The following LPA variants were observed in gnomAD, a reference collection of about 807,000 sequenced individuals.
The protein encoded by LPA is apolipoprotein(a).
A neutral mutation model predicts 197.9 loss-of-function variants in LPA; 199 were observed. The observed-to-expected ratio is 1.01, with a 90% CI of 0.90 to 1.13. The LOEUF is 1.13. Among genes scored for constraint, LPA ranks in the 50% most tolerant of loss-of-function variants. The probability of loss-of-function intolerance (pLI) is 0.00; values close to 1 mark genes in which losing one functional copy is unlikely to be tolerated. For synonymous variants in LPA, 715 were observed against 639.5 expected (o/e 1.12, Z -1.78); for missense variants, 1,853 against 1,785.8 (o/e 1.04, Z -0.68).
At chr6:160,572,805 T>C (rs1778586689) in intron 28 of LPA, among the ~76,000 whole-genome samples, 1 of 152,230 alleles carries the variant, frequency 6.6e-6, no homozygotes, top group Admixed American at 6.5e-5. Context: ...CCTTTATACA[T>C]TACCTGGTGC....
chr6:160,601,138 A>G (rs761134280), intron 18 of LPA, 40 bp from the exon 19 acceptor site: 1 of 1,587,388 alleles, frequency 6.3e-7, no homozygotes, highest in South Asian at 1.1e-5. Context: ...AAAAATGGGT[A>G]CATATGCAGG....
chr6:160,656,622 A>G (rs1413576990), intron 1 of LPA, among the ~76,000 whole-genome samples: 1 of 152,186 alleles, frequency 6.6e-6, no homozygotes, highest in East Asian at 1.9e-4. Flanking sequence ...CCCTTTCTCC[A>G]GTACACACAG....
intron 34 of LPA, 74 bp downstream of exon 34, chr6:160,542,614 C>G: frequency 6.2e-7 from 1 of 1,603,446 alleles, no homozygotes; most frequent in Non-Finnish European, 8.5e-7. Flanking sequence ...TGTGTGGGTT[C>G]TGTGTAAATG....
intron 32 of LPA, among the ~76,000 whole-genome samples, chr6:160,546,928 A>C (rs1271619019): frequency 1.3e-5 from 2 of 152,134 alleles, no homozygotes; most frequent in East Asian, 3.9e-4. Context: ...TGGCCCATCC[A>C]AATCTTTTCT....
intron 22 of LPA, among the ~76,000 whole-genome samples, chr6:160,592,198 G>C (rs1279902776): frequency 6.6e-6 from 1 of 152,034 alleles, no homozygotes; most frequent in Non-Finnish European, 1.5e-5. Context: ...TTGAGGCTCT[G>C]TTGATTAATT....
intron 28 of LPA, among the ~76,000 whole-genome samples, chr6:160,573,017 C>A (rs1445953661): frequency 6.6e-6 from 1 of 152,144 alleles, no homozygotes; most frequent in Non-Finnish European, 1.5e-5. Flanking sequence ...GTTATTCCCC[C>A]AAATATGTTT....
intron 28 of LPA, among the ~76,000 whole-genome samples, chr6:160,564,005 T>G (rs1562323061): frequency 6.6e-6 from 1 of 152,240 alleles, no homozygotes; most frequent in Non-Finnish European, 1.5e-5. Context: ...CAATGGGTCT[T>G]GACTCTTTAT....
In LPA at chr6:160,542,766, T is replaced by G; in HGVS notation, c.5441A>C (p.Lys1814Thr). The part of the protein sequence containing the change: ...FDCGKPQVEP[K>T]KCPGSIVGGC... ...CCCTACAATGCTTCCAGGACATTTC[T>G]TCGGCTCCACTTGAGGCTTCCCACA... is the stretch of plus-strand genomic sequence containing the variant. The change falls in exon 34 of 39, where the codon AAG becomes ACG. Residue 1814 changes from lysine (K) to threonine (T), a missense_variant. Around this residue, in one of 3 missense-constraint regions of LPA, gnomAD observed 1,737 missense variants for 1,504.4 expected, o/e 1.15. Coordinates refer to ENST00000316300, the MANE Select transcript of LPA (RefSeq NM_005577.4). The G allele has an allele frequency of 6.2e-7, 1 of 1,614,128 alleles. No homozygotes were observed. The highest frequency in any genetic ancestry group is 2.2e-5 in the East Asian group (1 of 44,872).
At chr6:160,578,008 G>A (rs9364564) in intron 27 of LPA, among the ~76,000 whole-genome samples, 27,049 of 152,076 alleles carry the variant, frequency 0.18, 2,874 homozygotes, top group East Asian at 0.4. Context: ...ACTGAGATAG[G>A]CCAGGGAGAG....
At chr6:160,653,990 TA>T (rs1780062314) in intron 1 of LPA, among the ~76,000 whole-genome samples, 3 of 12,786 alleles carry the variant, frequency 2.3e-4, no homozygotes, top group African/African-American at 1.2e-3. Flanking sequence ...TAATATATAA[TA>T]TATATTATAT....
At chr6:160,537,158 A>G (rs905032748) in intron 37 of LPA, among the ~76,000 whole-genome samples, 2 of 152,210 alleles carry the variant, frequency 1.3e-5, no homozygotes, top group Non-Finnish European at 2.9e-5. Context: ...GCTGACGGAT[A>G]TAATTATTGT....
intron 25 of LPA, among the ~76,000 whole-genome samples, chr6:160,585,636 T>C (rs1217917153): frequency 6.6e-6 from 1 of 152,044 alleles, no homozygotes; most frequent in African/African-American, 2.4e-5. Flanking sequence ...CCACTGCTCC[T>C]CCAAAGCAAA....
At chr6:160,650,552 G>A (rs1017228146) in intron 1 of LPA, 55 bp from the exon 2 acceptor site, 1 of 1,561,616 alleles carries the variant, frequency 6.4e-7, no homozygotes, top group South Asian at 1.1e-5. Flanking sequence ...AGAAAAAAAT[G>A]TGAAGTCATT....
Position 160,599,700 on chromosome 6 carries a change from G to C in LPA, c.3128-41C>G. 3 of 1,610,826 alleles carry C rather than the reference G, an allele frequency of 1.9e-6. No individual in the cohort carries two copies. In the South Asian group the frequency reaches 3.3e-5, roughly 18 times the overall value. On this transcript the variant is annotated intron_variant, in intron 19 of 38. Transcript: ENST00000316300. ...AAGACATCAAGCTTATTATTTCCTA[G>C]AACAGAAAAATACAGGAAGCCATTT...
chr6:160,649,670 G>A (rs558362357), intron 2 of LPA, among the ~76,000 whole-genome samples: 25 of 152,230 alleles, frequency 1.6e-4, no homozygotes, highest in African/African-American at 2.2e-4. Flanking sequence ...TCCAACAAGC[G>A]GAAATCATTT....
intron 29 of LPA, among the ~76,000 whole-genome samples, 159 bp downstream of exon 29, chr6:160,557,231 G>A (rs975727171): frequency 2.6e-5 from 4 of 152,018 alleles, no homozygotes; most frequent in South Asian, 2.1e-4. Context: ...CGCACGTTGC[G>A]CCAAAAATTG....
At chr6:160,610,488 T>A (rs1286778152) in intron 16 of LPA, among the ~76,000 whole-genome samples, 2 of 152,172 alleles carry the variant, frequency 1.3e-5, no homozygotes, top group Non-Finnish European at 2.9e-5. Context: ...TGCTATGTGA[T>A]CTCTATCTTC....
Position 160,611,591 on chromosome 6 carries a change from A to G in LPA, c.2574T>C (p.His858=). ...TTGGGTAGTATTCTGGGGTCCGACT[A>G]TGCGAGTGTGGTGTCATAGATGACC... is the stretch of plus-strand genomic sequence containing the variant. ...QAWSSMTPHS[H]SRTPEYYPNA... The change falls in exon 16 of 39, where the codon CAT becomes CAC. Residue 858 remains histidine, a synonymous_variant. Coordinates refer to ENST00000316300, the MANE Select transcript of LPA (RefSeq NM_005577.4). 1 of 1,604,196 alleles carries G rather than the reference A, an allele frequency of 6.2e-7. No individual in the cohort carries two copies. Among genetic ancestry groups the G allele is most frequent in the Non-Finnish European group, 8.5e-7 (1 of 1,178,742 alleles).
intron 16 of LPA, among the ~76,000 whole-genome samples, chr6:160,609,769 G>C (rs1779446635): frequency 6.6e-6 from 1 of 151,936 alleles, no homozygotes; most frequent in Non-Finnish European, 1.5e-5. Flanking sequence ...GCATGTGTGT[G>C]TGTGTTTGTG....
Sources: gnomAD v4.1 joint callset for allele counts (sites outside exome capture counted in the v4.1 genomes callset) on GRCh38, gnomAD v4.1.1 for gene constraint, gnomAD v4.1.1 regional missense constraint, MANE v1.5 for transcripts, NCBI Gene and HGNC (gene_info 2026-07-23, HGNC 2026-07-21) for gene names.